The following HEMK2 variants were observed in gnomAD, a reference collection of about 807,000 sequenced individuals.
HEMK2 encodes the protein HemK methyltransferase 2, ETF1 glutamine and histone H4 lysine.
chr21:28,867,981 G>T, the HEMK2 span, among the ~76,000 whole-genome samples: 8 of 152,174 alleles, frequency 5.3e-5, no homozygotes, highest in Non-Finnish European at 1.0e-4. Flanking sequence ...TGTGAGGTAA[G>T]AATCTAATTT....
the HEMK2 span, among the ~76,000 whole-genome samples, chr21:28,740,517 C>T: frequency 3.6e-3 from 547 of 152,250 alleles, 10 homozygotes; most frequent in East Asian, 0.022. Context: ...TTAATCCATG[C>T]AAAATATATC....
At chr21:28,883,097 G>C in the HEMK2 span, 2 of 1,494,346 alleles carry the variant, frequency 1.3e-6, no homozygotes, top group Non-Finnish European at 1.8e-6. Context: ...ATAAATATTA[G>C]TATAGTAGAA....
chr21:28,822,448 C>G, the HEMK2 span, among the ~76,000 whole-genome samples: 1 of 151,718 alleles, frequency 6.6e-6, no homozygotes, highest in Admixed American at 6.6e-5. Context: ...GGCTCATGTT[C>G]TAAAAAGATA....
At chr21:28,746,542 G>C in the HEMK2 span, among the ~76,000 whole-genome samples, 4 of 152,118 alleles carry the variant, frequency 2.6e-5, no homozygotes, top group Admixed American at 6.5e-5. Flanking sequence ...GAATATATGA[G>C]TGATAAATGT....
the HEMK2 span, among the ~76,000 whole-genome samples, chr21:28,667,529 A>T: frequency 6.6e-6 from 1 of 152,222 alleles, no homozygotes; most frequent in African/African-American, 2.4e-5. Context: ...GGTGGAAATC[A>T]GACTGCTTTT....
At chr21:28,697,370 T>C in the HEMK2 span, among the ~76,000 whole-genome samples, 1 of 152,208 alleles carries the variant, frequency 6.6e-6, no homozygotes, top group Admixed American at 6.5e-5. Context: ...GAGGGACCTT[T>C]ACTCCAGTTC....
the HEMK2 span, among the ~76,000 whole-genome samples, chr21:28,617,685 T>G: frequency 1.4e-5 from 2 of 144,870 alleles, no homozygotes; most frequent in Non-Finnish European, 2.9e-5. Flanking sequence ...GACAAAATAA[T>G]ATTTCTAAAG....
the HEMK2 span, among the ~76,000 whole-genome samples, chr21:28,805,965 T>C: frequency 6.6e-6 from 1 of 152,190 alleles, no homozygotes; most frequent in African/African-American, 2.4e-5. Flanking sequence ...CCTACTCTGA[T>C]TTTTCAGCAG....
At chr21:28,794,651 T>C in the HEMK2 span, among the ~76,000 whole-genome samples, 1 of 152,248 alleles carries the variant, frequency 6.6e-6, no homozygotes, top group African/African-American at 2.4e-5. Context: ...TATCCACATA[T>C]TGTATGACAA....
At chr21:28,876,241 C>G in the HEMK2 span, 4 of 504,268 alleles carry the variant, frequency 7.9e-6, no homozygotes, top group African/African-American at 5.9e-5. Context: ...TTCTATAGGC[C>G]TGACTGAAAG....
chr21:28,682,750 T>C, the HEMK2 span, among the ~76,000 whole-genome samples: 1 of 152,004 alleles, frequency 6.6e-6, no homozygotes, highest in Non-Finnish European at 1.5e-5. Flanking sequence ...ATGTCCTTTG[T>C]AGGGACATGG....
the HEMK2 span, among the ~76,000 whole-genome samples, chr21:28,783,955 T>G: frequency 2.0e-5 from 3 of 152,206 alleles, no homozygotes; most frequent in African/African-American, 7.2e-5. Context: ...CTGCCGGCGC[T>G]GAGCTCTAAT....
the HEMK2 span, among the ~76,000 whole-genome samples, chr21:28,620,542 GT>G: frequency 6.6e-5 from 10 of 151,184 alleles, 1 homozygote; most frequent in South Asian, 2.1e-3. Flanking sequence ...AGATTTTCTA[GT>G]TTATTTGTGT....
the HEMK2 span, among the ~76,000 whole-genome samples, chr21:28,671,506 T>G: frequency 3.3e-5 from 5 of 152,184 alleles, no homozygotes; most frequent in African/African-American, 1.2e-4. Flanking sequence ...CTGTATTCAT[T>G]TGACATGAAA....
chr21:28,709,778 G>C, the HEMK2 span, among the ~76,000 whole-genome samples: 1 of 152,132 alleles, frequency 6.6e-6, no homozygotes. Context: ...TGGGGCGAGA[G>C]GAAGAGATTT....
the HEMK2 span, among the ~76,000 whole-genome samples, chr21:28,783,215 C>T: frequency 1.4e-4 from 21 of 151,870 alleles, no homozygotes; most frequent in African/African-American, 4.6e-4. Context: ...AACAGAATCT[C>T]GCTCTGTTGC....
At chr21:28,828,973 T>G in the HEMK2 span, among the ~76,000 whole-genome samples, 1 of 152,174 alleles carries the variant, frequency 6.6e-6, no homozygotes, top group Admixed American at 6.5e-5. Flanking sequence ...TTTAACAATT[T>G]TTAATAGACC....
At chr21:28,876,905 C>T in the HEMK2 span, among the ~76,000 whole-genome samples, 1 of 148,318 alleles carries the variant, frequency 6.7e-6, no homozygotes, top group Non-Finnish European at 1.5e-5. Context: ...AAAGAAGTAG[C>T]TTATTTCTTT....
At chr21:28,722,202 T>C in the HEMK2 span, among the ~76,000 whole-genome samples, 1 of 151,664 alleles carries the variant, frequency 6.6e-6, no homozygotes, top group Non-Finnish European at 1.5e-5. Flanking sequence ...AATATACCGA[T>C]TTTACTGGTT....
Sources: gnomAD v4.1 joint callset for allele counts (sites outside exome capture counted in the v4.1 genomes callset) on GRCh38, gnomAD v4.1.1 for gene constraint, MANE v1.5 for transcripts, NCBI Gene and HGNC (gene_info 2026-07-23, HGNC 2026-07-21) for gene names.